The following PKP2 variants were observed in gnomAD, a reference collection of about 807,000 sequenced individuals.
PKP2 encodes plakophilin-2.
A neutral mutation model predicts 83.4 loss-of-function variants in PKP2; 73 were observed. The ratio of observed to expected loss-of-function variants is 0.88; its 90% CI spans 0.72 to 1.06. PKP2 has a LOEUF of 1.06. Ranked by LOEUF, PKP2 falls within the 50% of genes least tolerant of loss-of-function variation. PKP2 has a pLI of 0.00. For missense variants in PKP2, 966 were observed against 1,065.4 expected, an observed-to-expected ratio of 0.91 and a Z score of 1.30; for synonymous variants, 409 against 430.4, an observed-to-expected ratio of 0.95 and a Z score of 0.62.
intron 4 of PKP2, among the ~76,000 whole-genome samples, chr12:32,866,102 T>A (rs2137910551): frequency 6.6e-6 from 1 of 152,084 alleles, no homozygotes; most frequent in African/African-American, 2.4e-5. Context: ...TGGGAGAAAA[T>A]ATTTTCATAT....
rs1957128135 is a variant in PKP2, at chr12:32,896,639, C to T, written c.93G>A (p.Ala31=). The T allele has an allele frequency of 1.3e-6, 2 of 1,575,020 alleles. No homozygotes were observed. Among genetic ancestry groups the T allele is most frequent in the Admixed American group, 1.8e-5 (1 of 57,110 alleles). ...GCTTCAGCTTGGCCTCGGAGGGCAG[C>T]GCCAGGCTGGAGCTGTCCAGTTGTC... is the stretch of plus-strand genomic sequence containing the variant. ...ILGQLDSSSL[A]LPSEAKLKLA... Residue 31 remains alanine, a synonymous_variant, in exon 1 of 13, where the codon GCG becomes GCA. Transcript: ENST00000340811.
At position 32,877,958 on chromosome 12, in the gene PKP2, C is replaced by CA. The variant is rs1225845438; in HGVS notation, c.921dup (p.Val308CysfsTer28). On this transcript the variant is annotated frameshift_variant, in exon 3 of 13. Coordinates refer to ENST00000340811, the MANE Select transcript of PKP2 (RefSeq NM_001005242.3). LOFTEE classifies it high-confidence loss of function. ...CTCCTCCCGCTGGAATCCACGGCGA[C>CA]ACTGGGCCCAGCTTCCCTCAGCGTG... The CA allele has an allele frequency of 6.2e-7, 1 of 1,614,182 alleles. No individual in the cohort carries two copies. The highest frequency in any genetic ancestry group is 1.1e-5 in the South Asian group (1 of 91,086).
chr12:32,828,118 CG>C (rs1565582848), intron 6 of PKP2, among the ~76,000 whole-genome samples: 1 of 152,144 alleles, frequency 6.6e-6, no homozygotes, highest in East Asian at 1.9e-4. Context: ...TGCTTGATAT[CG>C]GGAAGAATCT....
At chr12:32,892,085 C>T (rs1957078800) in intron 1 of PKP2, among the ~76,000 whole-genome samples, 1 of 152,060 alleles carries the variant, frequency 6.6e-6, no homozygotes. Context: ...GGGCCATGAC[C>T]CTGCCACCCG....
rs1956688096 is a variant in PKP2, at chr12:32,850,754, A to C, written c.1378+12T>G. On this transcript the variant is annotated intron_variant, in intron 5 of 12. Coordinates refer to ENST00000340811, the MANE Select transcript of PKP2 (RefSeq NM_001005242.3). The stretch of plus-strand genomic sequence containing the variant: ...AAATGTGTTAGGTTCTTCAATGTTC[A>C]GTAAGCACTACCTGTTATTTGTTTT... The C allele has an allele frequency of 1.2e-6, 2 of 1,604,502 alleles. No homozygotes were observed. Among genetic ancestry groups the C allele is most frequent in the East Asian group, 4.5e-5 (2 of 44,848 alleles).
At chr12:32,796,343 T>A (rs541154413) in intron 10 of PKP2, 45 bp from the exon 11 acceptor site, 1 of 1,478,562 alleles carries the variant, frequency 6.8e-7, no homozygotes, top group Non-Finnish European at 9.4e-7. Context: ...AAAAAGATTG[T>A]TTCTTAATCC....
In PKP2 at chr12:32,841,106, C is replaced by G. The variant is rs1956587234; in HGVS notation, c.1478G>C (p.Gly493Ala). ...LTENIIIPFS[G>A]WPEGDYPKAN... ...TTTTGGGTAGTCTCCTTCAGGCCAC[C>G]CAGAAAAGGGGATGATGATATTCTC... is the stretch of plus-strand genomic sequence containing the variant. The change falls in exon 6 of 13, where the codon GGG becomes GCG. Residue 493 changes from glycine to alanine, a missense_variant. Transcript: ENST00000340811. 6.2e-7 allele frequency: 1 copy of G among 1,613,656 alleles called. No homozygotes were observed. Among genetic ancestry groups the G allele is most frequent in the East Asian group, 2.2e-5 (1 of 44,876 alleles).
intron 10 of PKP2, among the ~76,000 whole-genome samples, chr12:32,800,485 C>T (rs1244194697): frequency 6.6e-6 from 1 of 152,208 alleles, no homozygotes; most frequent in Non-Finnish European, 1.5e-5. Context: ...ACACAGCATA[C>T]TGTGGAGAGC....
At chr12:32,855,539 C>T (rs186805267) in intron 4 of PKP2, among the ~76,000 whole-genome samples, 6 of 152,054 alleles carry the variant, frequency 3.9e-5, no homozygotes, top group East Asian at 1.9e-4. Flanking sequence ...TTTGGAAGGC[C>T]GAGGCAGGTC....
intron 9 of PKP2, among the ~76,000 whole-genome samples, chr12:32,805,159 T>TG (rs1245531948): frequency 6.6e-6 from 1 of 150,536 alleles, no homozygotes; most frequent in African/African-American, 2.4e-5. Context: ...TTTTTTTTTT[T>TG]GTCTTGTAAA....
intron 5 of PKP2, among the ~76,000 whole-genome samples, chr12:32,850,324 C>T (rs1314981727): frequency 2.0e-5 from 3 of 152,066 alleles, no homozygotes; most frequent in Non-Finnish European, 2.9e-5. Context: ...GAGGCCGAGG[C>T]GGGCGGATCA....
intron 6 of PKP2, among the ~76,000 whole-genome samples, chr12:32,832,121 G>A (rs1956505371): frequency 6.6e-6 from 1 of 152,132 alleles, no homozygotes; most frequent in Non-Finnish European, 1.5e-5. Context: ...GGTGGCTCCT[G>A]TAATCCCAGC....
intron 5 of PKP2, among the ~76,000 whole-genome samples, chr12:32,841,474 C>T (rs1254345968): frequency 1.3e-5 from 2 of 152,182 alleles, no homozygotes; most frequent in African/African-American, 2.4e-5. Flanking sequence ...AAAGGCCAGA[C>T]ATGCTTAAGC....
Position 32,878,294 on chromosome 12 carries a change from G to A in PKP2, c.586C>T (p.Arg196Cys), listed in dbSNP as rs748957791. Residue 196 changes from arginine to cysteine, a missense_variant, in exon 3 of 13, where the codon CGT becomes TGT. Coordinates refer to ENST00000340811, the MANE Select transcript of PKP2 (RefSeq NM_001005242.3). ...AALLVPPRYA[R>C]SEIVGVSRAG... ...CGGCTGACCCCCACGATCTCGGAAC[G>A]AGCATATCTCGGTGGCACTAGGAGG... is the stretch of plus-strand genomic sequence containing the variant. The A allele has an allele frequency of 5.0e-6, 8 of 1,613,584 alleles. No individual in the cohort carries two copies. The South Asian group carries it at 5.5e-5, about 11-fold the overall frequency.
chr12:32,827,141 T>C (rs893327798), intron 6 of PKP2, among the ~76,000 whole-genome samples: 1 of 152,244 alleles, frequency 6.6e-6, no homozygotes, highest in African/African-American at 2.4e-5. Context: ...TTAGCTTTGT[T>C]TAACTCCGGG....
rs2137948758 is a variant in PKP2 at position 32,878,208 on chromosome 12, G to A, written c.672C>T (p.Gly224=). ...TGTCAAAAACGGTGTCGCTAACAGA[G>A]CCATGCTGGTACTGTCTGTGGTATG... ...FDTYHRQYQH[G]SVSDTVFDSI... is the part of the protein sequence containing the mutation. The change falls in exon 3 of 13, where the codon GGC becomes GGT. Residue 224 remains glycine (G), a synonymous_variant. Transcript: ENST00000340811. 3.7e-6 allele frequency: 6 copies of A among 1,614,200 alleles called. No homozygotes were observed. The highest frequency in any genetic ancestry group is 5.1e-6 in the Non-Finnish European group (6 of 1,180,022).
chr12:32,846,416 C>T (rs1035202603), intron 5 of PKP2, among the ~76,000 whole-genome samples: 7 of 151,970 alleles, frequency 4.6e-5, no homozygotes, highest in African/African-American at 1.7e-4. Flanking sequence ...AGAAGTAGAG[C>T]GAGAGATGAA....
Position 32,841,133 on chromosome 12 carries a change from G to A in PKP2, c.1451C>T (p.Thr484Met), listed in dbSNP as rs774942476. The A allele has an allele frequency of 7.9e-5, 128 of 1,612,162 alleles. No individual in the cohort carries two copies. The highest frequency in any genetic ancestry group is 1.0e-4 in the Non-Finnish European group (120 of 1,178,376). ...AGAAAAGGGGATGATGATATTCTCC[G>A]TCAGCGTAAGCAATGCTTCTGTTAT... ...LMITEALLTL[T>M]ENIIIPFSGW... The change falls in exon 6 of 13, where the codon ACG becomes ATG. Residue 484 changes from threonine to methionine, a missense_variant. Coordinates refer to ENST00000340811, the MANE Select transcript of PKP2 (RefSeq NM_001005242.3).
At chr12:32,796,061 T>C in intron 11 of PKP2, 48 bp downstream of exon 11, 2 of 1,466,698 alleles carry the variant, frequency 1.4e-6, no homozygotes, top group Non-Finnish European at 1.9e-6. Context: ...ACACACAGGC[T>C]GGTGAGGGGA....
Sources: gnomAD v4.1 joint callset for allele counts (sites outside exome capture counted in the v4.1 genomes callset) on GRCh38, gnomAD v4.1.1 for gene constraint, MANE v1.5 for transcripts, NCBI Gene and HGNC (gene_info 2026-07-23, HGNC 2026-07-21) for gene names.